The following TMEM132D variants were observed in gnomAD, a reference collection of about 807,000 sequenced individuals.
TMEM132D encodes the protein mature OL transmembrane protein.
Under a neutral mutation model 62.3 loss-of-function variants are expected in TMEM132D, and 21 were observed. The ratio of observed to expected loss-of-function variants is 0.34; its 90% CI spans 0.24 to 0.49. The LOEUF (loss-of-function observed/expected upper bound fraction) is 0.49. Among genes scored for constraint, TMEM132D ranks in the 20% least tolerant of loss-of-function variants. TMEM132D has a pLI of 0.99. For synonymous variants in TMEM132D, 621 were observed against 575.6 expected (o/e 1.08, Z -1.13); for missense variants, 1,346 against 1,402.8 (o/e 0.96, Z 0.65).
intron 3 of TMEM132D, among the ~76,000 whole-genome samples, chr12:129,507,510 T>A (rs902954542): frequency 6.6e-6 from 1 of 152,094 alleles, no homozygotes; most frequent in African/African-American, 2.4e-5. Context: ...CACATAAATA[T>A]AATGAAATAC....
chr12:129,135,792 G>C (rs1469076971), intron 5 of TMEM132D, among the ~76,000 whole-genome samples: 1 of 152,090 alleles, frequency 6.6e-6, no homozygotes, highest in Non-Finnish European at 1.5e-5. Context: ...GGCAATCTTT[G>C]GTGTTCCTTG....
chr12:129,687,441 C>G (rs1314766990), intron 2 of TMEM132D, among the ~76,000 whole-genome samples: 4 of 151,830 alleles, frequency 2.6e-5, no homozygotes, highest in African/African-American at 7.3e-5. Flanking sequence ...CCGGAATTAT[C>G]TGAGGAGGGG....
chr12:129,487,065 G>T (rs1379554252), intron 3 of TMEM132D, among the ~76,000 whole-genome samples: 1 of 151,910 alleles, frequency 6.6e-6, no homozygotes, highest in Non-Finnish European at 1.5e-5. Flanking sequence ...CTGTGTGACA[G>T]TTGGTTTTGG....
intron 1 of TMEM132D, among the ~76,000 whole-genome samples, chr12:129,789,219 C>T (rs967984931): frequency 6.6e-6 from 1 of 152,124 alleles, no homozygotes; most frequent in African/African-American, 2.4e-5. Flanking sequence ...ACCCTCGTCC[C>T]ACCCATCCCC....
intron 2 of TMEM132D, among the ~76,000 whole-genome samples, chr12:129,532,474 A>T (rs1232023969): frequency 6.6e-6 from 1 of 152,226 alleles, no homozygotes; most frequent in Non-Finnish European, 1.5e-5. Context: ...TTTGAGAAAA[A>T]GCAGGACACG....
intron 3 of TMEM132D, among the ~76,000 whole-genome samples, chr12:129,479,052 CT>C (rs1360119125): frequency 6.6e-6 from 1 of 152,146 alleles, no homozygotes; most frequent in Non-Finnish European, 1.5e-5. Flanking sequence ...TGATTTTGTA[CT>C]TTACACTATA....
intron 4 of TMEM132D, among the ~76,000 whole-genome samples, chr12:129,232,874 T>G (rs1409059135): frequency 6.6e-6 from 1 of 151,912 alleles, no homozygotes; most frequent in Admixed American, 6.6e-5. Context: ...TACCACACTT[T>G]TAAACCATCA....
In TMEM132D at chr12:129,880,017, C is replaced by T. The variant is rs79274591; in HGVS notation, c.79+23244G>A. On this transcript the variant is annotated intron_variant, in intron 1 of 8. Transcript: ENST00000422113. ...AAGATTCAAACCACAGACCCCAGAA[C>T]CTCAGAGAATCCCAAGCAGGATAAA... Among the ~76,000 whole-genome samples the T allele has an allele frequency of 3.7e-3, 559 of 152,106 alleles. 15 individuals are homozygous for T. Among genetic ancestry groups the T allele is most frequent in the East Asian group, 0.035 (178 of 5,150 alleles).
intron 2 of TMEM132D, among the ~76,000 whole-genome samples, chr12:129,676,818 T>C (rs925172502): frequency 1.3e-5 from 2 of 151,458 alleles, no homozygotes; most frequent in Non-Finnish European, 2.9e-5. Flanking sequence ...CATCTATCTA[T>C]GTTTATCATC....
intron 5 of TMEM132D, among the ~76,000 whole-genome samples, chr12:129,147,660 G>A (rs1293199212): frequency 1.3e-5 from 2 of 152,098 alleles, no homozygotes; most frequent in Admixed American, 6.5e-5. Flanking sequence ...TTAGTGTTAG[G>A]TACTGTATTC....
chr12:129,097,652 T>C (rs1875158508), intron 5 of TMEM132D, among the ~76,000 whole-genome samples: 1 of 152,200 alleles, frequency 6.6e-6, no homozygotes, highest in Non-Finnish European at 1.5e-5. Context: ...GGAGAAATGT[T>C]TGTTTGCAGA....
chr12:129,723,910 C>A (rs1159332982), intron 1 of TMEM132D, among the ~76,000 whole-genome samples: 1 of 152,170 alleles, frequency 6.6e-6, no homozygotes, highest in Non-Finnish European at 1.5e-5. Context: ...CCTCCACTAC[C>A]AAGATGTCCA....
At chr12:129,574,369 T>C (rs1380585850) in intron 2 of TMEM132D, among the ~76,000 whole-genome samples, 1 of 151,902 alleles carries the variant, frequency 6.6e-6, no homozygotes, top group Non-Finnish European at 1.5e-5. Context: ...GATATATACA[T>C]GCTGGGTTTC....
intron 3 of TMEM132D, among the ~76,000 whole-genome samples, chr12:129,469,612 C>A (rs759873661): frequency 1.3e-5 from 2 of 152,146 alleles, no homozygotes; most frequent in African/African-American, 4.8e-5. Context: ...CTCAGGTATA[C>A]GGCAGTGACC....
intron 5 of TMEM132D, among the ~76,000 whole-genome samples, chr12:129,186,950 TA>T (rs1878238744): frequency 6.6e-6 from 1 of 152,246 alleles, no homozygotes; most frequent in Non-Finnish European, 1.5e-5. Context: ...AGGTAAATCA[TA>T]AATTTCTAAC....
intron 2 of TMEM132D, among the ~76,000 whole-genome samples, chr12:129,596,294 A>G (rs1289896967): frequency 6.6e-6 from 1 of 152,210 alleles, no homozygotes; most frequent in Non-Finnish European, 1.5e-5. Flanking sequence ...ACCCAGGCAG[A>G]TGAAAGGAGG....
At chr12:129,896,656 A>G (rs963186368) in intron 1 of TMEM132D, among the ~76,000 whole-genome samples, 2 of 152,176 alleles carry the variant, frequency 1.3e-5, no homozygotes, top group African/African-American at 2.4e-5. Flanking sequence ...AATGTCACTA[A>G]AAGTTAAACA....
intron 1 of TMEM132D, among the ~76,000 whole-genome samples, chr12:129,788,669 A>G (rs535510170): frequency 1.1e-3 from 164 of 152,212 alleles, no homozygotes; most frequent in Non-Finnish European, 1.9e-3. Flanking sequence ...TGATTGACTC[A>G]TGCAGTGAAC....
At chr12:129,420,415 G>C (rs1274706247) in intron 3 of TMEM132D, among the ~76,000 whole-genome samples, 1 of 146,536 alleles carries the variant, frequency 6.8e-6, no homozygotes, top group Non-Finnish European at 1.5e-5. Flanking sequence ...TTACAAATGA[G>C]TGCTGTCCGG....
Sources: gnomAD v4.1 joint callset for allele counts (sites outside exome capture counted in the v4.1 genomes callset) on GRCh38, gnomAD v4.1.1 for gene constraint, MANE v1.5 for transcripts, NCBI Gene and HGNC (gene_info 2026-07-23, HGNC 2026-07-21) for gene names.